The following PMM2 variants were observed in gnomAD, a reference collection of about 807,000 sequenced individuals.
PMM2 encodes phosphomannomutase 2, also known as mannose-6-phosphate isomerase.
Under a neutral mutation model 33.2 loss-of-function variants are expected in PMM2, and 35 were observed. The observed-to-expected ratio is 1.06, with a 90% confidence interval of 0.81 to 1.40. The LOEUF is 1.40. Ranked by LOEUF, PMM2 falls within the 40% of genes most tolerant of loss-of-function variation. The pLI is 0.00. For missense variants in PMM2, 386 were observed against 306.0 expected (o/e 1.26, Z -1.95); for synonymous variants, 153 against 114.7 (o/e 1.33, Z -2.13).
intron 7 of PMM2, among the ~76,000 whole-genome samples, chr16:8,822,734 G>A (rs1042475501): frequency 1.1e-4 from 17 of 152,340 alleles, no homozygotes; most frequent in East Asian, 1.9e-4. Flanking sequence ...GACAGGGAGC[G>A]TAGTCAGGGT....
At chr16:8,844,491 C>T (rs1333252209) in intron 7 of PMM2, among the ~76,000 whole-genome samples, 1 of 151,950 alleles carries the variant, frequency 6.6e-6, no homozygotes, top group African/African-American at 2.4e-5. Flanking sequence ...TTGGGGGGTT[C>T]TTGCCCCTGC....
intron 7 of PMM2, chr16:8,832,431 C>CA: frequency 1.0e-6 from 1 of 985,392 alleles, no homozygotes; most frequent in Admixed American, 6.1e-5. Flanking sequence ...ACAGATCACT[C>CA]AGATTCCACA....
At position 8,834,726 on chromosome 16, in the gene PMM2, A is replaced by G. The variant is rs1596501512; in HGVS notation, c.640-12998A>G. ...GAGGCGGGCTAGTGGCTTGTACTAT[A>G]GCATAGCCTGCCTTTGCTGCTATGT... On this transcript the variant is annotated intron_variant, in intron 7 of 7. Transcript: ENST00000268261. 2.0e-5 allele frequency among the ~76,000 whole-genome samples: 3 copies of G among 152,126 alleles called. No homozygotes were observed. In the East Asian group the frequency reaches 5.8e-4, roughly 30 times the overall value.
At position 8,811,683 on chromosome 16, in the gene PMM2, T is replaced by A. The variant is rs2060678811; in HGVS notation, c.493T>A (p.Phe165Ile). The change falls in exon 6 of 8, where the codon TTT becomes ATT. Residue 165 changes from phenylalanine to isoleucine, a missense_variant. Transcript: ENST00000268261. ...GTTTGTAGCAGATCTACGGAAAGAGTTTGCTGGAAAAGGCCTCACGTTTTC... is the reference window on the plus strand; with the variant it reads ...GTTTGTAGCAGATCTACGGAAAGAGATTGCTGGAAAAGGCCTCACGTTTTC... ...QKFVADLRKE[F>I]AGKGLTFSIG... 6.2e-7 allele frequency: 1 copy of A among 1,613,328 alleles called. No homozygotes were observed. The highest frequency in any genetic ancestry group is 8.5e-7 in the Non-Finnish European group (1 of 1,179,414).
At chr16:8,847,575 C>G in intron 7 of PMM2, 149 bp from the exon 8 acceptor site, 1 of 687,516 alleles carries the variant, frequency 1.5e-6, no homozygotes, top group South Asian at 1.5e-5. Flanking sequence ...TCACGTTCCT[C>G]TCCTGGAAAC....
intron 7 of PMM2, among the ~76,000 whole-genome samples, chr16:8,830,564 T>C (rs1305386263): frequency 3.3e-5 from 5 of 151,976 alleles, no homozygotes; most frequent in African/African-American, 9.7e-5. Flanking sequence ...TTGGGTGGGA[T>C]CAAAGTGCCG....
At chr16:8,844,915 G>C (rs1039356761) in intron 7 of PMM2, among the ~76,000 whole-genome samples, 1 of 152,204 alleles carries the variant, frequency 6.6e-6, no homozygotes, top group African/African-American at 2.4e-5. Flanking sequence ...TCTTGGGCTG[G>C]TGGGTCTGAG....
chr16:8,847,390 A>AAC (rs935961553), intron 7 of PMM2, among the ~76,000 whole-genome samples: 3 of 151,622 alleles, frequency 2.0e-5, no homozygotes, highest in Admixed American at 1.3e-4. Context: ...AAAAAAAAAA[A>AAC]AAACTGATGG....
chr16:8,834,708 GC>G (rs1259289782), intron 7 of PMM2, among the ~76,000 whole-genome samples: 11 of 151,934 alleles, frequency 7.2e-5, no homozygotes, highest in African/African-American at 2.4e-4. Context: ...TAAGAGGCGG[GC>G]TAGTGGCTTG....
intron 7 of PMM2, among the ~76,000 whole-genome samples, chr16:8,847,077 T>TG (rs561055928): frequency 1.2e-3 from 182 of 152,266 alleles, no homozygotes; most frequent in African/African-American, 4.2e-3. Flanking sequence ...TTAGCCAGGT[T>TG]GGTCTCAAAT....
chr16:8,832,125 T>A (rs2060813582), intron 7 of PMM2: 1 of 985,160 alleles, frequency 1.0e-6, no homozygotes, highest in South Asian at 4.7e-5. Flanking sequence ...TTGCAGCTAC[T>A]CTGGTATGCA....
chr16:8,832,321 A>G (rs370739989), intron 7 of PMM2: 2 of 985,310 alleles, frequency 2.0e-6, no homozygotes, highest in African/African-American at 1.7e-5. Flanking sequence ...GAAGCAACCC[A>G]GAGAGGCTCC....
chr16:8,798,853 G>A (rs1175499448), intron 1 of PMM2, among the ~76,000 whole-genome samples: 1 of 152,160 alleles, frequency 6.6e-6, no homozygotes, highest in Non-Finnish European at 1.5e-5. Flanking sequence ...GTTTTCGCTT[G>A]GTGGTAACAA....
chr16:8,812,566 T>C (rs1422849256), intron 6 of PMM2, among the ~76,000 whole-genome samples: 1 of 152,198 alleles, frequency 6.6e-6, no homozygotes, highest in Non-Finnish European at 1.5e-5. Context: ...TAAATCACCT[T>C]CAGTGAAGAT....
At chr16:8,813,857 C>CTTTTTGTT (rs2060691772) in intron 7 of PMM2, among the ~76,000 whole-genome samples, 1 of 89,138 alleles carries the variant, frequency 1.1e-5, no homozygotes, top group African/African-American at 4.3e-5. Context: ...TTTTCTTTCT[C>CTTTTTGTT]TTTTTTTTTT....
At chr16:8,799,389 C>T (rs1425111512) in intron 1 of PMM2, among the ~76,000 whole-genome samples, 7 of 152,120 alleles carry the variant, frequency 4.6e-5, no homozygotes, top group Admixed American at 3.9e-4. Context: ...GAACTAACCT[C>T]CTCAGTTTCA....
chr16:8,843,385 A>G (rs982612552), intron 7 of PMM2, among the ~76,000 whole-genome samples: 2 of 152,120 alleles, frequency 1.3e-5, no homozygotes, highest in Admixed American at 6.5e-5. Context: ...TCAGTCAGAG[A>G]GCCTTGGGCC....
At chr16:8,827,670 A>G (rs2141033816) in intron 7 of PMM2, among the ~76,000 whole-genome samples, 1 of 142,424 alleles carries the variant, frequency 7.0e-6, no homozygotes, top group East Asian at 2.0e-4. Flanking sequence ...TGCTGGGATT[A>G]CAGGCATGAG....
chr16:8,809,268 A>G (rs2060664356), intron 4 of PMM2: 1 of 152,220 alleles, frequency 6.6e-6, no homozygotes, highest in Non-Finnish European at 1.5e-5. Flanking sequence ...AATAGTAGAA[A>G]AAGATGAGGG....
Sources: gnomAD v4.1 joint callset for allele counts (sites outside exome capture counted in the v4.1 genomes callset) on GRCh38, gnomAD v4.1.1 for gene constraint, MANE v1.5 for transcripts, NCBI Gene and HGNC (gene_info 2026-07-23, HGNC 2026-07-21) for gene names.